Variants in SNX29 observed in about 807,000 individuals in gnomAD.
SNX29 encodes the protein sorting nexin-29.
Under a neutral mutation model 102.1 loss-of-function variants are expected in SNX29, and 78 were observed. That is an observed-to-expected ratio of 0.76 (90% CI 0.64 to 0.92). SNX29 has a LOEUF of 0.92. SNX29 is among the 40% of genes least tolerant of loss of function. The pLI, the probability that SNX29 is intolerant of heterozygous loss-of-function variation, is 0.00. For missense variants in SNX29, 1,280 were observed against 1,061.7 expected, an observed-to-expected ratio of 1.21 and a Z score of -2.86; for synonymous variants, 580 against 414.5, an observed-to-expected ratio of 1.40 and a Z score of -4.85.
chr16:12,387,149 A>G (rs2083369378), intron 16 of SNX29, among the ~76,000 whole-genome samples: 1 of 151,826 alleles, frequency 6.6e-6, no homozygotes. Context: ...AAAAAAAGAG[A>G]GAGCCACACC....
At chr16:12,539,292 C>T (rs71386711) in intron 20 of SNX29, among the ~76,000 whole-genome samples, 1 of 152,034 alleles carries the variant, frequency 6.6e-6, no homozygotes, top group South Asian at 2.1e-4. Flanking sequence ...TCCCCCACCT[C>T]TAAGCCCTTG....
chr16:12,544,040 A>G (rs768648327), intron 20 of SNX29, among the ~76,000 whole-genome samples: 3 of 152,206 alleles, frequency 2.0e-5, no homozygotes, highest in Admixed American at 6.5e-5. Flanking sequence ...GACTCATCAC[A>G]TTGCAAAGCC....
chr16:12,226,832 C>T (rs1316411458), intron 14 of SNX29, among the ~76,000 whole-genome samples: 1 of 152,184 alleles, frequency 6.6e-6, no homozygotes, highest in Non-Finnish European at 1.5e-5. Flanking sequence ...CCCACCTTGG[C>T]CTCCCAAAGT....
chr16:12,121,859 C>A (rs977132895), intron 11 of SNX29, among the ~76,000 whole-genome samples: 1 of 152,110 alleles, frequency 6.6e-6, no homozygotes, highest in Admixed American at 6.5e-5. Context: ...AATGCAGTGG[C>A]GCGATCTTGG....
chr16:12,541,333 A>G (rs927820084), intron 20 of SNX29, among the ~76,000 whole-genome samples: 3 of 152,196 alleles, frequency 2.0e-5, no homozygotes, highest in Non-Finnish European at 4.4e-5. Context: ...TCTGAGTGCC[A>G]GAATTACCTT....
rs1203666317 is a variant in SNX29 at position 12,277,927 on chromosome 16, C to G, written c.1679-6C>G. The G allele has an allele frequency of 1.2e-5, 19 of 1,600,640 alleles. No homozygotes were observed. Among genetic ancestry groups the G allele is most frequent in the Non-Finnish European group, 1.4e-5 (17 of 1,173,216 alleles). ...ATATTTATGACATGTCTCTCTTTCT[C>G]TAAAGTGCCAAATCTTTGGAGTGTT... On this transcript the variant is annotated splice_region_variant and splice_polypyrimidine_tract_variant and intron_variant, in intron 14 of 20. Coordinates refer to ENST00000566228, the MANE Select transcript of SNX29 (RefSeq NM_032167.5).
intron 20 of SNX29, among the ~76,000 whole-genome samples, chr16:12,537,949 C>T (rs1444039548): frequency 2.0e-5 from 3 of 147,624 alleles, no homozygotes; most frequent in Admixed American, 6.8e-5. Context: ...CGTGCCACTG[C>T]ACTCCAGCCT....
At chr16:12,418,925 C>T (rs575775059) in intron 18 of SNX29, among the ~76,000 whole-genome samples, 15 of 152,280 alleles carry the variant, frequency 9.9e-5, no homozygotes, top group Middle Eastern at 3.4e-3. Context: ...TTGCCAGGAG[C>T]GGCAGTTATA....
chr16:12,557,025 C>CT lies in SNX29; in HGVS notation c.2319-11481_2319-11480insT, dbSNP rs1555458245. ...ACATCTGGCTAATTTACCCCCCCCCCGCCCCAAGATGAGGTCTTGCTATGT... is the reference window on the plus strand; with the variant it reads ...ACATCTGGCTAATTTACCCCCCCCCCTGCCCCAAGATGAGGTCTTGCTATGT... On this transcript the variant is annotated intron_variant, in intron 20 of 20. Coordinates refer to ENST00000566228, the MANE Select transcript of SNX29 (RefSeq NM_032167.5). Among the ~76,000 whole-genome samples, 24 of 20,466 alleles carry CT rather than the reference C, an allele frequency of 1.2e-3. 1 individual carries two copies. Among genetic ancestry groups the CT allele is most frequent in the African/African-American group, 3.5e-3 (21 of 6,082 alleles). The allele number at this position is 20,466 out of a possible 152,430, so 13.4% of individuals were successfully genotyped here.
intron 20 of SNX29, among the ~76,000 whole-genome samples, chr16:12,564,591 T>C (rs961521020): frequency 1.3e-5 from 2 of 152,178 alleles, no homozygotes; most frequent in Non-Finnish European, 2.9e-5. Context: ...CCCCTTTTTC[T>C]TGTTTGTGAA....
chr16:12,565,689 C>T (rs143906161), intron 20 of SNX29, among the ~76,000 whole-genome samples: 33 of 152,122 alleles, frequency 2.2e-4, no homozygotes, highest in African/African-American at 7.7e-4. Flanking sequence ...CCCTGCCTTC[C>T]AGGAAGGGGA....
chr16:12,556,366 C>T (rs1043329482), intron 20 of SNX29: 1 of 152,186 alleles, frequency 6.6e-6, no homozygotes, highest in African/African-American at 2.4e-5. Flanking sequence ...GTTGAGTATA[C>T]CAGTCGTAAT....
chr16:12,075,038 A>G (rs557348735), intron 10 of SNX29, among the ~76,000 whole-genome samples: 92 of 152,066 alleles, frequency 6.0e-4, no homozygotes, highest in African/African-American at 2.0e-3. Flanking sequence ...GCACTTCTCT[A>G]TATTGGTTAT....
chr16:12,456,383 C>G (rs1597442166), intron 18 of SNX29, among the ~76,000 whole-genome samples: 1 of 152,116 alleles, frequency 6.6e-6, no homozygotes, highest in Non-Finnish European at 1.5e-5. Context: ...CAGCACGATA[C>G]TGGAAAAAAC....
intron 14 of SNX29, among the ~76,000 whole-genome samples, chr16:12,224,337 G>GT (rs1357263273): frequency 6.6e-6 from 1 of 151,852 alleles, no homozygotes; most frequent in Non-Finnish European, 1.5e-5. Context: ...TCCGACAACT[G>GT]TTTTTAGAGG....
intron 15 of SNX29, among the ~76,000 whole-genome samples, chr16:12,289,797 G>C (rs911797149): frequency 3.3e-5 from 5 of 152,050 alleles, no homozygotes; most frequent in Admixed American, 2.6e-4. Flanking sequence ...GCGGGAAGTG[G>C]CTTCAAGAAG....
At chr16:12,524,408 A>C (rs1047330321) in intron 19 of SNX29, among the ~76,000 whole-genome samples, 13 of 151,940 alleles carry the variant, frequency 8.6e-5, no homozygotes, top group African/African-American at 2.2e-4. Context: ...GACCCCCAGC[A>C]CCACATTCGG....
At chr16:12,562,581 C>T (rs1035512267) in intron 20 of SNX29, among the ~76,000 whole-genome samples, 1 of 152,098 alleles carries the variant, frequency 6.6e-6, no homozygotes, top group African/African-American at 2.4e-5. Context: ...TAGTTTTTAC[C>T]CAGAGACGGG....
chr16:12,145,384 T>C (rs2055025676), intron 13 of SNX29, among the ~76,000 whole-genome samples: 3 of 152,202 alleles, frequency 2.0e-5, no homozygotes, highest in Admixed American at 2.0e-4. Flanking sequence ...CTGTTTATTT[T>C]ATTCTGTTGC....
Sources: allele counts gnomAD v4.1 joint callset (sites outside exome capture counted in the v4.1 genomes callset), GRCh38; gene constraint gnomAD v4.1.1; transcripts MANE v1.5; gene names NCBI Gene and HGNC (gene_info 2026-07-23, HGNC 2026-07-21).